The following PDE11A variants were observed in gnomAD, a reference collection of about 807,000 sequenced individuals.
PDE11A encodes the protein phosphodiesterase 11A.
A neutral mutation model predicts 100.5 loss-of-function variants in PDE11A; 100 were observed. The observed-to-expected ratio is 1.00, with a 90% confidence interval of 0.85 to 1.18. The LOEUF is 1.18. Among genes scored for constraint, PDE11A ranks in the 50% most tolerant of loss-of-function variants. The pLI is 0.00. For missense variants in PDE11A, 1,141 were observed against 1,152.6 expected, an observed-to-expected ratio of 0.99 and a Z score of 0.15; for synonymous variants, 381 against 420.8, an observed-to-expected ratio of 0.91 and a Z score of 1.16.
intron 4 of PDE11A, among the ~76,000 whole-genome samples, chr2:177,881,686 T>A (rs1574247754): frequency 6.6e-6 from 1 of 152,260 alleles, no homozygotes. Flanking sequence ...ATGGGCCATA[T>A]CTGGCCTACC....
chr2:177,778,917 C>T (rs1362609902), intron 9 of PDE11A, among the ~76,000 whole-genome samples: 4 of 151,808 alleles, frequency 2.6e-5, no homozygotes, highest in Admixed American at 6.6e-5. Context: ...CCTTCAGAAT[C>T]GATCATAAAA....
At chr2:177,977,461 A>T (rs1216263059) in intron 2 of PDE11A, among the ~76,000 whole-genome samples, 6 of 122,334 alleles carry the variant, frequency 4.9e-5, no homozygotes, top group African/African-American at 1.9e-4. Context: ...ATGGAAGAAC[A>T]TTCCATGCTC....
chr2:177,814,164 G>T (rs73034288), intron 9 of PDE11A, among the ~76,000 whole-genome samples: 14,690 of 151,972 alleles, frequency 0.097, 745 homozygotes, highest in Middle Eastern at 0.14. Context: ...TCATAAAGTA[G>T]CTCAAATCTT....
At chr2:177,828,355 A>G (rs2083259039) in intron 6 of PDE11A, among the ~76,000 whole-genome samples, 1 of 152,192 alleles carries the variant, frequency 6.6e-6, no homozygotes, top group Non-Finnish European at 1.5e-5. Context: ...AACAATATTC[A>G]ACAAGAATGT....
chr2:177,753,112 C>T (rs1046441047), intron 10 of PDE11A, among the ~76,000 whole-genome samples: 2 of 152,204 alleles, frequency 1.3e-5, no homozygotes, highest in Admixed American at 6.5e-5. Flanking sequence ...AAGTCCACAA[C>T]TAATGACAAC....
chr2:177,942,147 A>G (rs2105773555), intron 2 of PDE11A, among the ~76,000 whole-genome samples: 1 of 152,346 alleles, frequency 6.6e-6, no homozygotes, highest in South Asian at 2.1e-4. Flanking sequence ...CTTTGCAGCC[A>G]GATTGCTGAG....
chr2:177,904,739 C>T (rs151241623), intron 3 of PDE11A, among the ~76,000 whole-genome samples: 2,838 of 151,752 alleles, frequency 0.019, 52 homozygotes, highest in South Asian at 0.046. Flanking sequence ...TTTTTAGTAG[C>T]GACAAGGTTT....
At chr2:177,648,086 T>C (rs914675222) in intron 19 of PDE11A, among the ~76,000 whole-genome samples, 1 of 152,130 alleles carries the variant, frequency 6.6e-6, no homozygotes, top group Non-Finnish European at 1.5e-5. Flanking sequence ...TACTCTAGCC[T>C]GGGTGACAGA....
intron 2 of PDE11A, among the ~76,000 whole-genome samples, chr2:178,082,317 A>G (rs965602390): frequency 7.2e-5 from 11 of 152,230 alleles, no homozygotes; most frequent in African/African-American, 2.7e-4. Context: ...TATTGTTGTT[A>G]TCATTAATTT....
intron 1 of PDE11A, among the ~76,000 whole-genome samples, chr2:178,047,756 T>C (rs898518484): frequency 6.6e-6 from 1 of 152,186 alleles, no homozygotes; most frequent in Non-Finnish European, 1.5e-5. Flanking sequence ...GTTTCTCCTC[T>C]GTGTTTTCAT....
chr2:177,833,502 A>C (rs1448552282), intron 6 of PDE11A, among the ~76,000 whole-genome samples: 3 of 152,200 alleles, frequency 2.0e-5, no homozygotes, highest in Non-Finnish European at 4.4e-5. Flanking sequence ...AGAGCACTGA[A>C]TCAGGAACCA....
At chr2:177,632,253 A>G (rs942797109) in intron 19 of PDE11A, among the ~76,000 whole-genome samples, 22 of 152,234 alleles carry the variant, frequency 1.4e-4, no homozygotes, top group African/African-American at 5.1e-4. Flanking sequence ...GCACAATTCC[A>G]ACCAGCTAGT....
At chr2:177,761,777 T>A (rs1055181062) in intron 10 of PDE11A, among the ~76,000 whole-genome samples, 12 of 152,178 alleles carry the variant, frequency 7.9e-5, no homozygotes, top group Admixed American at 6.5e-5. Flanking sequence ...AAACACCAAG[T>A]AGAACTATTT....
At chr2:177,781,215 G>A (rs1199704966) in intron 9 of PDE11A, among the ~76,000 whole-genome samples, 2 of 152,230 alleles carry the variant, frequency 1.3e-5, no homozygotes, top group East Asian at 1.9e-4. Flanking sequence ...ATGGGGAAGA[G>A]CTGGTCAGCA....
chr2:177,794,393 G>C (rs1315433927), intron 9 of PDE11A, among the ~76,000 whole-genome samples: 1 of 152,182 alleles, frequency 6.6e-6, no homozygotes, highest in Non-Finnish European at 1.5e-5. Context: ...AGGTCATAGA[G>C]GGACCAGGGA....
At chr2:177,787,880 TCATAAAG>T (rs1170703451) in intron 9 of PDE11A, among the ~76,000 whole-genome samples, 3 of 152,152 alleles carry the variant, frequency 2.0e-5, no homozygotes, top group African/African-American at 7.2e-5. Flanking sequence ...GCACCCAGAT[TCATAAAG>T]CAAGTCCTGA....
chr2:177,710,279 G>A (rs1190918673), intron 13 of PDE11A, among the ~76,000 whole-genome samples: 1 of 152,034 alleles, frequency 6.6e-6, no homozygotes, highest in African/African-American at 2.4e-5. Context: ...GTAGGTGGCA[G>A]GGGAGGAAAT....
At chr2:177,845,479 C>A (rs901761618) in intron 5 of PDE11A, among the ~76,000 whole-genome samples, 2 of 150,664 alleles carry the variant, frequency 1.3e-5, no homozygotes, top group Non-Finnish European at 3.0e-5. Context: ...TGATGGCGGC[C>A]GGGAAGAGGT....
intron 12 of PDE11A, among the ~76,000 whole-genome samples, chr2:177,717,058 T>C (rs1290711337): frequency 1.3e-5 from 2 of 152,164 alleles, no homozygotes; most frequent in African/African-American, 4.8e-5. Context: ...CTAGAACATT[T>C]TCTATAATTT....
Sources: gnomAD v4.1 joint callset for allele counts (sites outside exome capture counted in the v4.1 genomes callset) on GRCh38, gnomAD v4.1.1 for gene constraint, MANE v1.5 for transcripts, NCBI Gene and HGNC (gene_info 2026-07-23, HGNC 2026-07-21) for gene names.